Variants in LYRM9 observed in about 807,000 individuals in gnomAD.
LYRM9 encodes LYR motif-containing protein 9.
In LYRM9, 14 loss-of-function variants were observed where a neutral mutation model predicts 12.6. That is an observed-to-expected ratio of 1.11 (90% CI 0.73 to 1.73). The LOEUF is 1.73. Among genes scored for constraint, LYRM9 ranks in the 40% most tolerant of loss-of-function variants. LYRM9 has a pLI of 0.00. For missense variants in LYRM9, 94 were observed against 95.0 expected, an observed-to-expected ratio of 0.99 and a Z score of 0.04; for synonymous variants, 42 against 35.1, an observed-to-expected ratio of 1.20 and a Z score of -0.69.
intron 1 of LYRM9, among the ~76,000 whole-genome samples, chr17:27,888,075 T>C (rs1443137912): frequency 6.6e-6 from 1 of 152,244 alleles, no homozygotes; most frequent in East Asian, 1.9e-4. Context: ...GAATAATGTT[T>C]GACCAAATAC....
At chr17:27,889,880 G>A (rs1351393825) in intron 1 of LYRM9, among the ~76,000 whole-genome samples, 2 of 152,156 alleles carry the variant, frequency 1.3e-5, no homozygotes, top group Admixed American at 1.3e-4. Flanking sequence ...GAGATGAACA[G>A]TCTGGTGTAC....
chr17:27,880,207 G>T, intron 3 of LYRM9, 67 bp downstream of exon 3: 1 of 1,265,190 alleles, frequency 7.9e-7, no homozygotes, highest in Non-Finnish European at 1.1e-6. Flanking sequence ...GTGGCCTCTA[G>T]TGGTCATGGG....
In LYRM9 at chr17:27,882,567, A is replaced by G. The variant is rs914681892; in HGVS notation, c.126+2T>C. 5.1e-6 allele frequency: 8 copies of G among 1,583,330 alleles called. No homozygotes were observed. The highest frequency in any genetic ancestry group is 2.2e-4 in the Middle Eastern group (1 of 4,624). On this transcript the variant is annotated splice_donor_variant, in intron 2 of 3. Transcript: ENST00000379102. LOFTEE classifies it high-confidence loss of function. The stretch of plus-strand genomic sequence containing the variant: ...CCCAGACCTGGTAGAGCCAGCTCGC[A>G]CCTGCCTGACAGCATGCTTGTAATG...
At chr17:27,882,308 C>T (rs1010279243) in intron 2 of LYRM9, among the ~76,000 whole-genome samples, 6 of 152,194 alleles carry the variant, frequency 3.9e-5, no homozygotes, top group South Asian at 4.1e-4. Flanking sequence ...TAAATGATGT[C>T]GTGTCCCACA....
At chr17:27,885,391 A>C (rs1905199731) in intron 1 of LYRM9, among the ~76,000 whole-genome samples, 1 of 152,178 alleles carries the variant, frequency 6.6e-6, no homozygotes, top group South Asian at 2.1e-4. Flanking sequence ...GGCAGAGCTG[A>C]GACCCTGAGA....
chr17:27,885,240 G>T (rs1905195978), intron 1 of LYRM9, among the ~76,000 whole-genome samples: 1 of 152,238 alleles, frequency 6.6e-6, no homozygotes, highest in Non-Finnish European at 1.5e-5. Context: ...CAACCAGAGT[G>T]CATCGCAACA....
intron 3 of LYRM9, 165 bp from the exon 4 acceptor site, chr17:27,879,655 T>G (rs1453722879): frequency 4.7e-6 from 3 of 637,408 alleles, no homozygotes; most frequent in Non-Finnish European, 8.0e-6. Flanking sequence ...AATCTCTAGT[T>G]CATGCCTGGA....
Position 27,880,363 on chromosome 17 carries a change from A to C in LYRM9, c.130T>G (p.Phe44Val), listed in dbSNP as rs1229222560. The C allele has an allele frequency of 3.1e-6, 5 of 1,601,470 alleles. No individual in the cohort carries two copies. The highest frequency in any genetic ancestry group is 2.3e-5 in the South Asian group (2 of 88,700). Residue 44 changes from phenylalanine (F) to valine (V), a missense_variant, in exon 3 of 4, where the codon TTT becomes GTT. By Grantham distance (50) the Phe-to-Val change is conservative (BLOSUM62 -1). Transcript: ENST00000379102. ...TTGTCTTCATCTGAATGAACCCGAA[A>C]ACTCTGCAAGTTTAAGCATAAAGAA... The part of the protein sequence containing the change: ...QHYKHAVRQS[F>V]RVHSDEDNPE...
chr17:27,883,707 T>C (rs2142585129), intron 1 of LYRM9, among the ~76,000 whole-genome samples: 1 of 151,680 alleles, frequency 6.6e-6, no homozygotes, highest in South Asian at 2.1e-4. Context: ...CTATTCACTT[T>C]ACATGTGATT....
intron 1 of LYRM9, chr17:27,892,574 A>G (rs1357362427): frequency 2.8e-6 from 1 of 358,038 alleles, no homozygotes; most frequent in African/African-American, 2.2e-5. Context: ...GATTCCATTT[A>G]TACGAAACAT....
intron 1 of LYRM9, chr17:27,891,797 A>G (rs897849290): frequency 3.3e-5 from 5 of 152,302 alleles, no homozygotes; most frequent in African/African-American, 1.2e-4. Flanking sequence ...ACTTCTCTGG[A>G]CTTCTGCTTC....
intron 1 of LYRM9, among the ~76,000 whole-genome samples, chr17:27,891,356 T>C (rs1905437739): frequency 6.6e-6 from 1 of 152,240 alleles, no homozygotes; most frequent in South Asian, 2.1e-4. Context: ...TCTTAACTTC[T>C]ATCTCGAAGT....
intron 1 of LYRM9, among the ~76,000 whole-genome samples, chr17:27,887,713 G>GGGGGGTGT (rs1485417792): frequency 4.6e-5 from 4 of 86,730 alleles, no homozygotes; most frequent in Non-Finnish European, 6.4e-5. Flanking sequence ...TAGGAGGGAG[G>GGGGGGTGT]GTGTGTGTGT....
intron 1 of LYRM9, among the ~76,000 whole-genome samples, chr17:27,887,106 C>T (rs1049483385): frequency 6.6e-6 from 1 of 151,982 alleles, no homozygotes; most frequent in Admixed American, 6.5e-5. Context: ...CATTTTCTGC[C>T]ATCCTTCTCT....
intron 1 of LYRM9, among the ~76,000 whole-genome samples, chr17:27,889,092 G>T (rs553080934): frequency 6.6e-6 from 1 of 152,004 alleles, no homozygotes; most frequent in Non-Finnish European, 1.5e-5. Flanking sequence ...CTCAACACAC[G>T]TACCTTTATT....
intron 1 of LYRM9, 100 bp from the exon 2 acceptor site, chr17:27,882,812 T>C: frequency 1.5e-6 from 2 of 1,304,548 alleles, no homozygotes; most frequent in Non-Finnish European, 2.1e-6. Flanking sequence ...CTTGGTGCAG[T>C]GCAGAGGCCC....
chr17:27,893,086 G>A (rs1905513177), intron 1 of LYRM9: 1 of 152,198 alleles, frequency 6.6e-6, no homozygotes, highest in Admixed American at 6.5e-5. Flanking sequence ...GAGGCCGCCC[G>A]GCCAGGCCTG....
chr17:27,880,164 T>C (rs765480370), intron 3 of LYRM9, 110 bp downstream of exon 3: 2 of 861,148 alleles, frequency 2.3e-6, no homozygotes, highest in Non-Finnish European at 3.8e-6. Flanking sequence ...GGTGGCCTCC[T>C]CCACAGGGAC....
chr17:27,880,932 G>C (rs887319274), intron 2 of LYRM9: 13 of 152,824 alleles, frequency 8.5e-5, no homozygotes, highest in African/African-American at 3.1e-4. Context: ...CTAAGATTCA[G>C]GTTTTGCTTT....
Sources: gnomAD v4.1 joint callset for allele counts (sites outside exome capture counted in the v4.1 genomes callset) on GRCh38, gnomAD v4.1.1 for gene constraint, MANE v1.5 for transcripts, NCBI Gene and HGNC (gene_info 2026-07-23, HGNC 2026-07-21) for gene names.